GOLGB1: variants seen among roughly 807,000 people sequenced by gnomAD.
GOLGB1 encodes the protein golgin subfamily B member 1.
In GOLGB1, 174 loss-of-function variants were observed where a neutral mutation model predicts 336.9. The ratio of observed to expected loss-of-function variants is 0.52; its 90% CI spans 0.46 to 0.59. The LOEUF is 0.59. GOLGB1 is among the 20% of genes least tolerant of loss of function. The pLI, the probability that GOLGB1 is intolerant of heterozygous loss-of-function variation, is 0.00. For missense variants in GOLGB1, 3,331 were observed against 3,645.3 expected, an observed-to-expected ratio of 0.91 and a Z score of 2.22; for synonymous variants, 1,208 against 1,289.2, an observed-to-expected ratio of 0.94 and a Z score of 1.35.
intron 10 of GOLGB1, among the ~76,000 whole-genome samples, chr3:121,706,730 T>C: frequency 3.9e-5 from 1 of 25,562 alleles, no homozygotes; most frequent in Non-Finnish European, 5.9e-5. Context: ...TGAGACTCTG[T>C]CTCAAAAAAA....
chr3:121,674,446 A>T (rs990041141), intron 17 of GOLGB1, among the ~76,000 whole-genome samples: 1 of 152,242 alleles, frequency 6.6e-6, no homozygotes, highest in Non-Finnish European at 1.5e-5. Context: ...TACAATACAA[A>T]TGCTATATAA....
At chr3:121,733,282 C>T (rs1301906875) in intron 1 of GOLGB1, among the ~76,000 whole-genome samples, 6 of 122,806 alleles carry the variant, frequency 4.9e-5, no homozygotes, top group East Asian at 4.4e-4. Flanking sequence ...TAGATTGCTC[C>T]GTCTCAAAAA....
At chr3:121,744,342 C>A (rs76370795) in intron 1 of GOLGB1, among the ~76,000 whole-genome samples, 123 of 149,944 alleles carry the variant, frequency 8.2e-4, no homozygotes, top group African/African-American at 2.9e-3. Context: ...CAGGGTGGCT[C>A]ACGCCTGTAA....
chr3:121,747,414 T>C lies in GOLGB1; in HGVS notation c.-3+2218A>G, dbSNP rs554686895. ...ATATATACATATATACGTATATATA[T>C]GTATATATATACATATATACACATG... On this transcript the variant is annotated intron_variant, in intron 1 of 21. Transcript: ENST00000614479. Among the ~76,000 whole-genome samples the C allele has an allele frequency of 9.6e-5, 14 of 145,704 alleles. No homozygotes were observed. The South Asian group carries it at 2.1e-3, about 22-fold the overall frequency.
chr3:121,696,551 T>C lies in GOLGB1; in HGVS notation c.3972A>G (p.Val1324=). ...TAGAACTAACTTTCAATTCTAACTCTACTTTCTCAGCCTCTATTTCCTTCA... is the reference window on the plus strand; with the variant it reads ...TAGAACTAACTTTCAATTCTAACTCCACTTTCTCAGCCTCTATTTCCTTCA... ...AQLKEIEAEK[V]ELELKVSSTT... The change falls in exon 13 of 22, where the codon GTA becomes GTG. Residue 1324 remains valine (V), a synonymous_variant. Coordinates refer to ENST00000614479, the MANE Select transcript of GOLGB1 (RefSeq NM_001366282.2). 1 of 1,614,210 alleles carries C rather than the reference T, an allele frequency of 6.2e-7. No individual in the cohort carries two copies.
intron 9 of GOLGB1, among the ~76,000 whole-genome samples, chr3:121,715,369 A>ATTTTTTTTTT (rs373634444): frequency 7.8e-6 from 1 of 128,594 alleles, no homozygotes; most frequent in African/African-American, 3.0e-5. Context: ...TGCCTGGCTA[A>ATTTTTTTTTT]TTTTTTTTTT....
chr3:121,677,057 T>C (rs546280584), intron 16 of GOLGB1, 27 bp from the exon 17 acceptor site: 2 of 1,613,590 alleles, frequency 1.2e-6, no homozygotes, highest in South Asian at 2.2e-5. Context: ...ATTGATCAGA[T>C]TCTCTCCTAA....
chr3:121,684,851 C>T (rs1941551562), intron 14 of GOLGB1, among the ~76,000 whole-genome samples: 1 of 152,002 alleles, frequency 6.6e-6, no homozygotes, highest in South Asian at 2.1e-4. Flanking sequence ...AATAGGAGAT[C>T]TAATATAGGA....
chr3:121,734,743 G>T (rs376639628), intron 1 of GOLGB1, among the ~76,000 whole-genome samples: 3 of 152,320 alleles, frequency 2.0e-5, no homozygotes, highest in African/African-American at 7.2e-5. Context: ...TTCAATGCCT[G>T]CAGATTAGAA....
rs1942503592 is a variant in GOLGB1 at position 121,692,250 on chromosome 3, T to C, written c.7114A>G (p.Arg2372Gly). The C allele has an allele frequency of 4.4e-6, 7 of 1,603,432 alleles. No individual in the cohort carries two copies. The highest frequency in any genetic ancestry group is 5.9e-6 in the Non-Finnish European group (7 of 1,177,130). The stretch of plus-strand genomic sequence containing the variant: ...TCATGCAGCCTACTGGTCAGTTCTC[T>C]GGAGGCCTGAAGATCAGTCTCCAGT... ...EQLETDLQAS[R>G]ELTSRLHEEI... is the part of the protein sequence containing the mutation. Residue 2372 changes from arginine to glycine, a missense_variant, in exon 14 of 22, where the codon AGA becomes GGA. Transcript: ENST00000614479.
At position 121,698,105 on chromosome 3, in the gene GOLGB1, G is replaced by A; in HGVS notation, c.2418C>T (p.Leu806=). ...CATCTTTAGATTTGGCTTCTATGCT[G>A]AGACTATGGATCTGTTCAGTGAGCA... The part of the protein sequence containing the change: ...DNLLTEQIHS[L]SIEAKSKDVK... Residue 806 remains leucine, a synonymous_variant, in exon 13 of 22, where the codon CTC becomes CTT. Coordinates refer to ENST00000614479, the MANE Select transcript of GOLGB1 (RefSeq NM_001366282.2). 6.2e-7 allele frequency: 1 copy of A among 1,613,950 alleles called. No homozygotes were observed. Among genetic ancestry groups the A allele is most frequent in the Non-Finnish European group, 8.5e-7 (1 of 1,179,948 alleles).
intron 15 of GOLGB1, among the ~76,000 whole-genome samples, chr3:121,677,763 G>A (rs1441781771): frequency 6.6e-6 from 1 of 152,156 alleles, no homozygotes; most frequent in Non-Finnish European, 1.5e-5. Flanking sequence ...TTAGAGCTTT[G>A]CAGCTCTTCT....
Position 121,715,639 on chromosome 3 carries a change from A to G in GOLGB1, c.1289-663T>C, listed in dbSNP as rs114544968. 4.3e-3 allele frequency among the ~76,000 whole-genome samples: 661 copies of G among 152,226 alleles called. 3 individuals are homozygous for G. The highest frequency in any genetic ancestry group is 9.5e-3 in the African/African-American group (395 of 41,548). ...AAGATTCCACCACATGGTTTTAAAC[A>G]TCAGCATGCTTAAGAGAACAGCTTG... On this transcript the variant is annotated intron_variant, in intron 9 of 21. Transcript: ENST00000614479.
intron 17 of GOLGB1, among the ~76,000 whole-genome samples, chr3:121,673,796 C>T (rs528741679): frequency 1.2e-3 from 190 of 152,194 alleles, no homozygotes; most frequent in Non-Finnish European, 2.2e-3. Context: ...TCTCAGCTCA[C>T]TGCAACCTCC....
chr3:121,730,858 C>G lies in GOLGB1; in HGVS notation c.96+18G>C, dbSNP rs746357821. The G allele has an allele frequency of 1.3e-6, 2 of 1,596,204 alleles. No individual in the cohort carries two copies. Among genetic ancestry groups the G allele is most frequent in the Admixed American group, 1.8e-5 (1 of 56,146 alleles). The stretch of plus-strand genomic sequence containing the variant: ...GAACATATGTCTTACCAGTTTAAAT[C>G]AGAACAGAACTACTCACAGGGTCTA... On this transcript the variant is annotated intron_variant, in intron 2 of 21. Transcript: ENST00000614479.
intron 11 of GOLGB1, 108 bp downstream of exon 11, chr3:121,702,373 T>C (rs999190406): frequency 1.8e-5 from 8 of 440,066 alleles, no homozygotes; most frequent in Non-Finnish European, 2.9e-5. Flanking sequence ...TCTAAATCTT[T>C]ATTATCACGG....
At chr3:121,690,421 A>G (rs1215171944) in intron 14 of GOLGB1, among the ~76,000 whole-genome samples, 4 of 152,206 alleles carry the variant, frequency 2.6e-5, no homozygotes, top group African/African-American at 9.6e-5. Flanking sequence ...TAGTCCTTTT[A>G]TAACCAATGG....
chr3:121,675,155 T>C (rs79624974), intron 17 of GOLGB1, among the ~76,000 whole-genome samples: 1,817 of 152,292 alleles, frequency 0.012, 12 homozygotes, highest in Non-Finnish European at 0.018. Flanking sequence ...TTTCTTACAG[T>C]TGAGTTCTAA....
At chr3:121,698,978 T>G (rs1943179043) in intron 12 of GOLGB1, 49 bp from the exon 13 acceptor site, 1 of 1,360,612 alleles carries the variant, frequency 7.3e-7, no homozygotes, top group Non-Finnish European at 9.9e-7. Context: ...TTTTATAACA[T>G]TAAAAAAATA....
Sources: allele counts gnomAD v4.1 joint callset (sites outside exome capture counted in the v4.1 genomes callset), GRCh38; gene constraint gnomAD v4.1.1; transcripts MANE v1.5; gene names NCBI Gene and HGNC (gene_info 2026-07-23, HGNC 2026-07-21).